Variants in NCKAP5 observed in about 807,000 individuals in gnomAD.
NCKAP5 encodes NCK associated protein 5.
A neutral mutation model predicts 167.0 loss-of-function variants in NCKAP5; 92 were observed. The ratio of observed to expected loss-of-function variants is 0.55; its 90% CI spans 0.47 to 0.66. The LOEUF (loss-of-function observed/expected upper bound fraction) is 0.66, where lower values mean the gene tolerates loss of function less well. Among genes scored for constraint, NCKAP5 ranks in the 30% least tolerant of loss-of-function variants. The probability of loss-of-function intolerance (pLI) is 0.00; values close to 1 mark genes in which losing one functional copy is unlikely to be tolerated. For missense variants in NCKAP5, 2,378 were observed against 2,315.0 expected (o/e 1.03, Z -0.56); for synonymous variants, 891 against 877.4 (o/e 1.02, Z -0.27).
chr2:132,790,344 C>T, intron 12 of NCKAP5, 139 bp from the exon 13 acceptor site: 1 of 746,938 alleles, frequency 1.3e-6, no homozygotes, highest in East Asian at 2.7e-5. Context: ...CCCATGGTAA[C>T]TGGAAAATCA....
intron 6 of NCKAP5, among the ~76,000 whole-genome samples, chr2:133,061,343 G>A (rs1229784412): frequency 2.6e-5 from 4 of 152,152 alleles, no homozygotes; most frequent in African/African-American, 9.7e-5. Context: ...CCCACGCTAG[G>A]CACCGTACTA....
At chr2:133,042,261 C>T (rs1002190491) in intron 6 of NCKAP5, among the ~76,000 whole-genome samples, 2 of 152,050 alleles carry the variant, frequency 1.3e-5, no homozygotes, top group African/African-American at 4.8e-5. Flanking sequence ...ATAGAAAGCA[C>T]CCAGTCCAAA....
chr2:132,851,415 T>C lies in NCKAP5; in HGVS notation c.807+9077A>G, dbSNP rs148913621. ...ATATGAGAGTATCTTGCCCTGAGAA[T>C]CTTTATCTTCATCCCCCTGATCACA... On this transcript the variant is annotated intron_variant, in intron 11 of 19. Coordinates refer to ENST00000409261, the MANE Select transcript of NCKAP5 (RefSeq NM_207363.3). 4.1e-4 allele frequency among the ~76,000 whole-genome samples: 63 copies of C among 152,246 alleles called. No individual in the cohort carries two copies. In the East Asian group the frequency reaches 6.4e-3, roughly 15 times the overall value.
the NCKAP5 span, among the ~76,000 whole-genome samples, chr2:133,662,901 C>T: frequency 4.3e-3 from 657 of 151,692 alleles, 2 homozygotes; most frequent in African/African-American, 0.015. Flanking sequence ...CACTATGCTA[C>T]AGTCTTTTAA....
chr2:133,070,277 G>C (rs2080344638), intron 6 of NCKAP5, among the ~76,000 whole-genome samples: 2 of 152,090 alleles, frequency 1.3e-5, no homozygotes, highest in Non-Finnish European at 2.9e-5. Context: ...GGAAACTAAA[G>C]ACAAAGAGTA....
chr2:132,765,594 T>C (rs1681403955), intron 16 of NCKAP5, among the ~76,000 whole-genome samples: 1 of 152,210 alleles, frequency 6.6e-6, no homozygotes, highest in Non-Finnish European at 1.5e-5. Flanking sequence ...GTGCCCGGCC[T>C]TTCCTATGCA....
At chr2:133,267,873 C>CA (rs1166164305) in intron 4 of NCKAP5, among the ~76,000 whole-genome samples, 3 of 152,030 alleles carry the variant, frequency 2.0e-5, no homozygotes, top group East Asian at 1.9e-4. Context: ...AGGATTATCT[C>CA]AAAAAAATGT....
the NCKAP5 span, among the ~76,000 whole-genome samples, chr2:133,650,319 T>TA: frequency 9.9e-5 from 15 of 151,860 alleles, no homozygotes; most frequent in African/African-American, 2.9e-4. Context: ...ATCTAATAAC[T>TA]AAAAAAAAGT....
chr2:133,091,715 G>A (rs533476206), intron 6 of NCKAP5, among the ~76,000 whole-genome samples: 12 of 152,100 alleles, frequency 7.9e-5, no homozygotes, highest in South Asian at 2.1e-4. Flanking sequence ...GTGAAAACCC[G>A]TCTCTACCAA....
chr2:133,653,701 C>A, the NCKAP5 span, among the ~76,000 whole-genome samples: 1 of 152,206 alleles, frequency 6.6e-6, no homozygotes, highest in Non-Finnish European at 1.5e-5. Context: ...ACTCAGCAAC[C>A]TCTAGGACCA....
At chr2:132,866,152 G>A (rs1419818935) in intron 10 of NCKAP5, among the ~76,000 whole-genome samples, 1 of 152,184 alleles carries the variant, frequency 6.6e-6, no homozygotes, top group African/African-American at 2.4e-5. Context: ...AGAACATGCA[G>A]ATAAGCCTGA....
rs74595403 is a variant in NCKAP5, at chr2:133,538,385, AT to A, written c.-62+20664del. On this transcript the variant is annotated intron_variant, in intron 2 of 19. Transcript: ENST00000409261. The stretch of plus-strand genomic sequence containing the variant: ...ATTAAAATACATTTAATTTGCAGAG[AT>A]TTTTTTAGCCTAATTTGAAGGATTC... 7.9e-5 allele frequency among the ~76,000 whole-genome samples: 12 copies of A among 151,928 alleles called. No homozygotes were observed. In the East Asian group the frequency reaches 2.1e-3, roughly 27 times the overall value.
chr2:132,965,981 G>A (rs962844139), intron 7 of NCKAP5, among the ~76,000 whole-genome samples: 1 of 150,722 alleles, frequency 6.6e-6, no homozygotes, highest in Non-Finnish European at 1.5e-5. Flanking sequence ...GAGCCCAATA[G>A]CTAATTAAAA....
intron 9 of NCKAP5, among the ~76,000 whole-genome samples, chr2:132,876,807 G>T (rs926524082): frequency 3.3e-5 from 5 of 152,210 alleles, no homozygotes; most frequent in African/African-American, 7.2e-5. Context: ...TGATTTTGTG[G>T]ATAACTTATA....
intron 3 of NCKAP5, among the ~76,000 whole-genome samples, chr2:133,392,731 G>A (rs1687496265): frequency 1.3e-5 from 2 of 152,058 alleles, no homozygotes; most frequent in African/African-American, 2.4e-5. Flanking sequence ...ATTTATCCAA[G>A]TCCATAGTTT....
chr2:132,673,498 A>AT (rs1443109316), intron 19 of NCKAP5, among the ~76,000 whole-genome samples, 193 bp from the exon 20 acceptor site: 3 of 152,146 alleles, frequency 2.0e-5, no homozygotes, highest in African/African-American at 7.2e-5. Context: ...GACTTTAATC[A>AT]TTTTACTGAG....
chr2:133,368,914 C>T (rs1426779495), intron 3 of NCKAP5, among the ~76,000 whole-genome samples: 1 of 152,134 alleles, frequency 6.6e-6, no homozygotes, highest in Non-Finnish European at 1.5e-5. Flanking sequence ...AGAGAAGGCT[C>T]TACTGGTAAA....
intron 11 of NCKAP5, among the ~76,000 whole-genome samples, chr2:132,845,917 T>C (rs2105450289): frequency 6.6e-6 from 1 of 152,344 alleles, no homozygotes; most frequent in Middle Eastern, 3.4e-3. Flanking sequence ...CGTGGAGATA[T>C]ATTTCCACTT....
chr2:133,566,969 C>A (rs916763196), intron 1 of NCKAP5, among the ~76,000 whole-genome samples: 1 of 152,148 alleles, frequency 6.6e-6, no homozygotes, highest in Non-Finnish European at 1.5e-5. Flanking sequence ...TATTTTGAGG[C>A]CTTTTGACAC....
Sources: gnomAD v4.1 joint callset for allele counts (sites outside exome capture counted in the v4.1 genomes callset) on GRCh38, gnomAD v4.1.1 for gene constraint, MANE v1.5 for transcripts, NCBI Gene and HGNC (gene_info 2026-07-23, HGNC 2026-07-21) for gene names.